STAG1: variants seen among roughly 807,000 people sequenced by gnomAD.
The protein encoded by STAG1 is STAG1 cohesin complex component.
STAG1 carries 26 observed loss-of-function variants against 170.9 expected under a neutral mutation model. The observed-to-expected ratio is 0.15, with a 90% CI of 0.11 to 0.21. STAG1 has a LOEUF of 0.21. Ranked by LOEUF, STAG1 falls within the 10% of genes least tolerant of loss-of-function variation. STAG1 has a pLI of 1.00. For synonymous variants in STAG1, 514 were observed against 497.7 expected (o/e 1.03, Z -0.44); for missense variants, 964 against 1,509.5 (o/e 0.64, Z 5.99).
At chr3:136,528,024 TG>T (rs770593261) in intron 6 of STAG1, among the ~76,000 whole-genome samples, 6 of 152,172 alleles carry the variant, frequency 3.9e-5, no homozygotes, top group Non-Finnish European at 8.8e-5. Flanking sequence ...TTAGGCTACT[TG>T]GGGGTCAGGG....
At chr3:136,732,614 A>C (rs1481585914) in intron 1 of STAG1, among the ~76,000 whole-genome samples, 2 of 151,958 alleles carry the variant, frequency 1.3e-5, no homozygotes, top group Non-Finnish European at 2.9e-5. Flanking sequence ...CTCATTAATA[A>C]ATTTTTTGTT....
chr3:136,582,704 C>G (rs1447206742), intron 4 of STAG1, among the ~76,000 whole-genome samples: 1 of 152,124 alleles, frequency 6.6e-6, no homozygotes, highest in Admixed American at 6.5e-5. Flanking sequence ...GAGGCTGGGG[C>G]AGGAGACTCA....
intron 9 of STAG1, among the ~76,000 whole-genome samples, chr3:136,491,201 TG>T (rs1307215598): frequency 6.6e-6 from 1 of 152,148 alleles, no homozygotes; most frequent in Non-Finnish European, 1.5e-5. Context: ...CACTGCACCC[TG>T]GAACTCCTGG....
intron 4 of STAG1, among the ~76,000 whole-genome samples, chr3:136,577,859 TAG>T (rs757391271): frequency 3.9e-4 from 59 of 152,210 alleles, no homozygotes; most frequent in Non-Finnish European, 2.1e-4. Context: ...GCGCACTTAC[TAG>T]AGATTCCAGA....
chr3:136,387,601 A>G (rs2086905957), intron 22 of STAG1, among the ~76,000 whole-genome samples: 1 of 152,218 alleles, frequency 6.6e-6, no homozygotes, highest in Admixed American at 6.5e-5. Flanking sequence ...TTCTAAGAGT[A>G]ATTGCTACTG....
intron 9 of STAG1, among the ~76,000 whole-genome samples, chr3:136,489,379 T>C (rs886256834): frequency 1.3e-5 from 2 of 152,218 alleles, no homozygotes; most frequent in Admixed American, 1.3e-4. Flanking sequence ...TGAATTTTAA[T>C]TAAATGTTTC....
At chr3:136,404,542 T>C (rs1001370854) in intron 21 of STAG1, among the ~76,000 whole-genome samples, 3 of 152,162 alleles carry the variant, frequency 2.0e-5, no homozygotes, top group African/African-American at 4.8e-5. Context: ...GAGAAATAAA[T>C]TTCTATGTGT....
chr3:136,443,380 C>T lies in STAG1; in HGVS notation c.1453G>A (p.Val485Met). ...SELHEHAAYL[V>M]DSLWESSQEL... is the part of the protein sequence containing the mutation. ...TGAGAGCTCTCCCATAAACTGTCCA[C>T]CAAGTAGGCTGCATGTTCATGTAAC... The change falls in exon 15 of 34, where the codon GTG becomes ATG. Residue 485 changes from valine (V) to methionine (M), a missense_variant. Val to Met is a conservative substitution (Grantham distance 21). Around this residue, in one of 11 missense-constraint regions of STAG1, gnomAD observed 162 missense variants for 211.2 expected, o/e 0.77. Transcript: ENST00000383202. 6.2e-7 allele frequency: 1 copy of T among 1,611,440 alleles called. No homozygotes were observed. Among genetic ancestry groups the T allele is most frequent in the Non-Finnish European group, 8.5e-7 (1 of 1,178,910 alleles).
intron 7 of STAG1, among the ~76,000 whole-genome samples, chr3:136,517,881 G>A (rs567120583): frequency 1.3e-5 from 2 of 152,130 alleles, no homozygotes; most frequent in East Asian, 3.9e-4. Context: ...AGGACAGTAT[G>A]TTTGAAAATT....
Position 136,604,566 on chromosome 3 carries a change from C to A in STAG1, c.133-93G>T, listed in dbSNP as rs554881057. ...CTATAGAAGAAATATAATCCCTAAC[C>A]AAAAGAAACTTTAAAATTTCTTCTC... is the stretch of plus-strand genomic sequence containing the variant. On this transcript the variant is annotated intron_variant, in intron 3 of 33. Transcript: ENST00000383202. The A allele has an allele frequency of 6.4e-6, 7 of 1,101,666 alleles. No individual in the cohort carries two copies. In the East Asian group the frequency reaches 1.1e-4, roughly 18 times the overall value. The allele number at this position is 1,101,666 out of a possible 1,614,324, so 68.2% of individuals were successfully genotyped here. A position where few individuals can be genotyped will look rare whatever the true frequency, so the allele number is the denominator to read the frequency against.
chr3:136,744,474 G>C (rs926212101), intron 1 of STAG1, among the ~76,000 whole-genome samples: 1 of 152,120 alleles, frequency 6.6e-6, no homozygotes, highest in Admixed American at 6.6e-5. Context: ...TGACAAAAGT[G>C]AGAATGTAAT....
At chr3:136,474,741 T>C (rs933402653) in intron 10 of STAG1, among the ~76,000 whole-genome samples, 1 of 152,156 alleles carries the variant, frequency 6.6e-6, no homozygotes, top group Non-Finnish European at 1.5e-5. Flanking sequence ...CTGTGGCAGG[T>C]GCTGCTGATG....
At chr3:136,589,206 A>G (rs142147225) in intron 4 of STAG1, among the ~76,000 whole-genome samples, 1 of 152,248 alleles carries the variant, frequency 6.6e-6, no homozygotes, top group Non-Finnish European at 1.5e-5. Flanking sequence ...TATCTTTAAA[A>G]AGCCAATCAA....
At chr3:136,587,889 G>A (rs181865850) in intron 4 of STAG1, among the ~76,000 whole-genome samples, 4 of 152,184 alleles carry the variant, frequency 2.6e-5, no homozygotes, top group Admixed American at 6.5e-5. Context: ...TTGAACCCGG[G>A]GGGGCGGAGG....
intron 22 of STAG1, among the ~76,000 whole-genome samples, chr3:136,398,167 G>C (rs2087222222): frequency 6.6e-6 from 1 of 151,792 alleles, no homozygotes; most frequent in South Asian, 2.1e-4. Context: ...GCTCAGGCTG[G>C]AGAGCAGTGG....
intron 23 of STAG1, among the ~76,000 whole-genome samples, chr3:136,371,652 G>C (rs1367790305): frequency 2.0e-5 from 3 of 152,180 alleles, no homozygotes; most frequent in Admixed American, 6.6e-5. Context: ...GTTTGTCAAA[G>C]ATCAGATAGT....
intron 3 of STAG1, chr3:136,609,415 A>G (rs1036516133): frequency 5.7e-5 from 8 of 141,562 alleles, no homozygotes; most frequent in African/African-American, 1.8e-4. Flanking sequence ...TTATAGATAC[A>G]TATATATATA....
At chr3:136,489,709 T>C (rs906395928) in intron 9 of STAG1, among the ~76,000 whole-genome samples, 2 of 152,144 alleles carry the variant, frequency 1.3e-5, no homozygotes, top group African/African-American at 2.4e-5. Context: ...TGAAATAGCA[T>C]AGGGAGAAAG....
At chr3:136,540,216 C>G (rs1935824754) in intron 6 of STAG1, among the ~76,000 whole-genome samples, 2 of 151,584 alleles carry the variant, frequency 1.3e-5, no homozygotes, top group Non-Finnish European at 2.9e-5. Context: ...GGAATAATAT[C>G]TTCCTCAAGT....
Sources: allele counts gnomAD v4.1 joint callset (sites outside exome capture counted in the v4.1 genomes callset), GRCh38; gene constraint gnomAD v4.1.1; regional missense constraint gnomAD v4.1.1; transcripts MANE v1.5; gene names NCBI Gene and HGNC (gene_info 2026-07-23, HGNC 2026-07-21).